Variants in RIT2 observed in about 807,000 individuals in gnomAD.
RIT2 encodes Ras like without CAAX 2, also known as GTP-binding protein Rit2.
A neutral mutation model predicts 23.7 loss-of-function variants in RIT2; 24 were observed. That is an observed-to-expected ratio of 1.01 (90% confidence interval 0.73 to 1.43). The LOEUF (loss-of-function observed/expected upper bound fraction) is 1.43. Ranked by LOEUF, RIT2 falls within the 40% of genes most tolerant of loss-of-function variation. The pLI is 0.00. For missense variants in RIT2, 236 were observed against 266.9 expected (o/e 0.88, Z 0.81); for synonymous variants, 107 against 91.1 (o/e 1.17, Z -0.99).
At chr18:43,090,720 TTGGA>T (rs1413607697) in intron 1 of RIT2, among the ~76,000 whole-genome samples, 12 of 152,070 alleles carry the variant, frequency 7.9e-5, no homozygotes, top group Admixed American at 6.6e-4. Context: ...TTGCAGGAAC[TTGGA>T]TGGAGCAAGT....
chr18:42,858,117 G>T (rs1206878389), intron 4 of RIT2, among the ~76,000 whole-genome samples: 1 of 152,166 alleles, frequency 6.6e-6, no homozygotes, highest in East Asian at 1.9e-4. Context: ...GGAGGCGGAG[G>T]TTGCAGTGAG....
At chr18:42,804,855 C>A in intron 4 of RIT2, among the ~76,000 whole-genome samples, 1 of 152,132 alleles carries the variant, frequency 6.6e-6, no homozygotes. Flanking sequence ...TCTCTGTTTT[C>A]CTAGATATTC....
intron 4 of RIT2, among the ~76,000 whole-genome samples, chr18:42,888,238 A>G (rs1420004889): frequency 6.6e-6 from 1 of 151,928 alleles, no homozygotes; most frequent in Non-Finnish European, 1.5e-5. Flanking sequence ...GTGTGGGGGA[A>G]GGCAGAAAGT....
At chr18:42,837,153 C>CTT (rs570701535) in intron 4 of RIT2, among the ~76,000 whole-genome samples, 3,548 of 51,344 alleles carry the variant, frequency 0.069, 1,014 homozygotes, top group African/African-American at 0.078. Flanking sequence ...TTTTCTTTTT[C>CTT]TTTTTTTTTT....
chr18:42,788,889 A>G (rs1202016893), intron 4 of RIT2, among the ~76,000 whole-genome samples: 1 of 152,220 alleles, frequency 6.6e-6, no homozygotes, highest in Non-Finnish European at 1.5e-5. Flanking sequence ...CCTGTGGACA[A>G]CCATGTAACA....
chr18:42,956,003 G>A (rs1909962181), intron 3 of RIT2, among the ~76,000 whole-genome samples: 1 of 152,084 alleles, frequency 6.6e-6, no homozygotes, highest in Admixed American at 6.6e-5. Context: ...ATGTTTTCAA[G>A]GTTTATCACC....
intron 4 of RIT2, 89 bp from the exon 5 acceptor site, chr18:42,743,809 C>T: frequency 1.0e-6 from 1 of 993,502 alleles, no homozygotes; most frequent in Non-Finnish European, 1.5e-6. Flanking sequence ...GTGTGTCAGG[C>T]CTCTGAGCCC....
In RIT2 at chr18:42,984,658, C is replaced by T. The variant is rs865930871; in HGVS notation, c.161-10511G>A. On this transcript the variant is annotated intron_variant, in intron 2 of 4. Transcript: ENST00000326695. ...ATCTGTATTATTTCTTATAATTCCA[C>T]GTGAAATTATAATTATCTAAAACTA... 7.2e-5 allele frequency among the ~76,000 whole-genome samples: 11 copies of T among 151,768 alleles called. No homozygotes were observed. The East Asian group carries it at 7.7e-4, about 11-fold the overall frequency.
At chr18:43,087,913 G>A (rs918405321) in intron 1 of RIT2, among the ~76,000 whole-genome samples, 1 of 152,084 alleles carries the variant, frequency 6.6e-6, no homozygotes, top group African/African-American at 2.4e-5. Flanking sequence ...CTTGCCTCTA[G>A]TTACACATAA....
chr18:42,913,571 T>C lies in RIT2; in HGVS notation c.426+10001A>G, dbSNP rs1049646047. ...ACCAGAAAATAGTCAATGGACATAA[T>C]GAAAATAAAAATAAGCATTATCTTA... On this transcript the variant is annotated intron_variant, in intron 4 of 4. Coordinates refer to ENST00000326695, the MANE Select transcript of RIT2 (RefSeq NM_002930.4). 2.0e-5 allele frequency among the ~76,000 whole-genome samples: 3 copies of C among 151,262 alleles called. No individual in the cohort carries two copies. In the East Asian group the frequency reaches 5.8e-4, roughly 29 times the overall value.
At chr18:43,038,207 A>AAAG (rs1912029408) in intron 1 of RIT2, among the ~76,000 whole-genome samples, 1 of 150,312 alleles carries the variant, frequency 6.7e-6, no homozygotes, top group African/African-American at 2.4e-5. Flanking sequence ...TCTGTCTCAA[A>AAAG]AAAAAAAAAA....
At chr18:42,850,990 C>T (rs1907040111) in intron 4 of RIT2, among the ~76,000 whole-genome samples, 1 of 152,148 alleles carries the variant, frequency 6.6e-6, no homozygotes, top group South Asian at 2.1e-4. Context: ...TTCATATCTT[C>T]CACATTGCTT....
At chr18:42,884,784 C>A (rs1434135531) in intron 4 of RIT2, among the ~76,000 whole-genome samples, 1 of 152,176 alleles carries the variant, frequency 6.6e-6, no homozygotes, top group Non-Finnish European at 1.5e-5. Context: ...TTAAAACTTA[C>A]AGGGAGTGAT....
chr18:42,766,296 T>C (rs757616074), intron 4 of RIT2, among the ~76,000 whole-genome samples: 1 of 152,118 alleles, frequency 6.6e-6, no homozygotes, highest in Non-Finnish European at 1.5e-5. Context: ...ATACGGACAA[T>C]AGAATCCAGG....
intron 4 of RIT2, among the ~76,000 whole-genome samples, chr18:42,813,385 A>C (rs1905905490): frequency 6.6e-6 from 1 of 152,178 alleles, no homozygotes. Context: ...GGATTTTTCT[A>C]ATATCAACAG....
chr18:43,054,278 A>G (rs1912449607), intron 1 of RIT2, among the ~76,000 whole-genome samples: 1 of 152,082 alleles, frequency 6.6e-6, no homozygotes. Context: ...CCAGATGAGG[A>G]CAGAAAGAAT....
intron 2 of RIT2, among the ~76,000 whole-genome samples, chr18:42,984,346 A>T (rs992458725): frequency 2.6e-5 from 4 of 152,078 alleles, no homozygotes; most frequent in Admixed American, 2.6e-4. Flanking sequence ...CTTATATAAT[A>T]TTATTTACAT....
chr18:42,899,684 C>T (rs1470266048), intron 4 of RIT2, among the ~76,000 whole-genome samples: 1 of 152,046 alleles, frequency 6.6e-6, no homozygotes, highest in African/African-American at 2.4e-5. Context: ...TGAAAATATG[C>T]ATGCTGTCAC....
chr18:42,782,373 A>G (rs1460370491), intron 4 of RIT2, among the ~76,000 whole-genome samples: 1 of 152,136 alleles, frequency 6.6e-6, no homozygotes, highest in Non-Finnish European at 1.5e-5. Context: ...AACAGGCAGC[A>G]GGATAATTTG....
Sources: allele counts gnomAD v4.1 joint callset (sites outside exome capture counted in the v4.1 genomes callset), GRCh38; gene constraint gnomAD v4.1.1; transcripts MANE v1.5; gene names NCBI Gene and HGNC (gene_info 2026-07-23, HGNC 2026-07-21).